TMEM132C: variants seen among roughly 807,000 people sequenced by gnomAD.
TMEM132C encodes the protein protein phosphatase 1, regulatory subunit 152.
In TMEM132C, 29 loss-of-function variants were observed where a neutral mutation model predicts 61.4. The observed-to-expected ratio is 0.47, with a 90% CI of 0.35 to 0.64. The LOEUF (loss-of-function observed/expected upper bound fraction) is 0.64. Among genes scored for constraint, TMEM132C ranks in the 30% least tolerant of loss-of-function variants. The pLI is 0.00. For missense variants in TMEM132C, 1,408 were observed against 1,476.9 expected, an observed-to-expected ratio of 0.95 and a Z score of 0.76; for synonymous variants, 656 against 633.1, an observed-to-expected ratio of 1.04 and a Z score of -0.54.
Position 128,303,989 on chromosome 12 carries a change from G to C in TMEM132C, c.85+36502G>C, listed in dbSNP as rs529554436. Among the ~76,000 whole-genome samples, 11 of 152,172 alleles carry C rather than the reference G, an allele frequency of 7.2e-5. No homozygotes were observed. The South Asian group carries it at 2.3e-3, about 32-fold the overall frequency. ...TTGACCAACGAGACCCAACTAACCT[G>C]GTAGTTGGGACAGATGTGTGATCCC... On this transcript the variant is annotated intron_variant, in intron 1 of 8. Coordinates refer to ENST00000435159, the MANE Select transcript of TMEM132C (RefSeq NM_001136103.3).
intron 4 of TMEM132C, among the ~76,000 whole-genome samples, chr12:128,625,005 G>T (rs1030917923): frequency 6.6e-6 from 1 of 152,160 alleles, no homozygotes; most frequent in Admixed American, 6.5e-5. Context: ...AAGGGAGGGG[G>T]GTGACCCTAT....
chr12:128,412,795 T>C (rs533301892), intron 1 of TMEM132C, among the ~76,000 whole-genome samples: 8 of 152,336 alleles, frequency 5.3e-5, no homozygotes, highest in Non-Finnish European at 1.2e-4. Flanking sequence ...TCTGCTTCTT[T>C]CTTACACAGA....
In TMEM132C at chr12:128,464,569, A is replaced by G. The variant is rs547744847; in HGVS notation, c.974+48949A>G. On this transcript the variant is annotated intron_variant, in intron 2 of 8. Transcript: ENST00000435159. Reference sequence around the variant, plus strand: ...ATGGTTTGAGACCAGCCTGGGAAAAATACTGAGACCCCCATCTCTATAAAA... The same window carrying G: ...ATGGTTTGAGACCAGCCTGGGAAAAGTACTGAGACCCCCATCTCTATAAAA... Among the ~76,000 whole-genome samples, 6 of 152,298 alleles carry G rather than the reference A, an allele frequency of 3.9e-5. No individual in the cohort carries two copies. In the East Asian group the frequency reaches 9.6e-4, roughly 24 times the overall value.
intron 1 of TMEM132C, among the ~76,000 whole-genome samples, chr12:128,319,405 G>A (rs1872254346): frequency 6.6e-6 from 1 of 151,810 alleles, no homozygotes; most frequent in Non-Finnish European, 1.5e-5. Context: ...GTGTCTGTCT[G>A]TTGGGCCAAG....
intron 1 of TMEM132C, among the ~76,000 whole-genome samples, chr12:128,358,348 T>C (rs1424144758): frequency 6.6e-6 from 1 of 152,236 alleles, no homozygotes; most frequent in East Asian, 1.9e-4. Flanking sequence ...CGGATTGGAC[T>C]GCTTTCTAAA....
intron 3 of TMEM132C, among the ~76,000 whole-genome samples, chr12:128,600,731 T>G (rs1292914361): frequency 1.3e-5 from 2 of 152,206 alleles, no homozygotes; most frequent in African/African-American, 4.8e-5. Flanking sequence ...TCTGGCAGTC[T>G]GGGGCCCACC....
chr12:128,638,746 G>A (rs187978397), intron 4 of TMEM132C, among the ~76,000 whole-genome samples: 3 of 152,290 alleles, frequency 2.0e-5, no homozygotes, highest in Admixed American at 2.0e-4. Flanking sequence ...AATGATAATG[G>A]CATTGATGAT....
At chr12:128,663,589 C>G (rs17885155) in intron 4 of TMEM132C, among the ~76,000 whole-genome samples, 112,983 of 152,194 alleles carry the variant, frequency 0.74, 42,267 homozygotes, top group African/African-American at 0.84. Flanking sequence ...TAACATATTT[C>G]AGTCTATTCA....
chr12:128,592,313 G>A (rs957059411), intron 3 of TMEM132C, among the ~76,000 whole-genome samples: 1 of 152,126 alleles, frequency 6.6e-6, no homozygotes, highest in Non-Finnish European at 1.5e-5. Context: ...TGGCACTCTT[G>A]GACATTTGAG....
chr12:128,596,880 G>A (rs954410174), intron 3 of TMEM132C, among the ~76,000 whole-genome samples: 1 of 149,626 alleles, frequency 6.7e-6, no homozygotes, highest in Non-Finnish European at 1.5e-5. Context: ...ATCTCCATGG[G>A]ACAAGCAACT....
intron 3 of TMEM132C, among the ~76,000 whole-genome samples, chr12:128,572,816 T>G (rs1874941108): frequency 6.6e-6 from 1 of 152,270 alleles, no homozygotes; most frequent in Non-Finnish European, 1.5e-5. Context: ...GCCCACTTCT[T>G]GAAGCCAGTG....
At position 128,500,718 on chromosome 12, in the gene TMEM132C, A is replaced by G. The variant is rs151006453; in HGVS notation, c.975-43239A>G. Among the ~76,000 whole-genome samples, 472 of 152,328 alleles carry G rather than the reference A, an allele frequency of 3.1e-3. 4 individuals are homozygous for G. The highest frequency in any genetic ancestry group is 0.011 in the African/African-American group (448 of 41,572). ...TGGGAAGAAACTGAAACATTCATAC[A>G]TTGATGATGAGAATGTAACATGGTA... On this transcript the variant is annotated intron_variant, in intron 2 of 8. Coordinates refer to ENST00000435159, the MANE Select transcript of TMEM132C (RefSeq NM_001136103.3).
At chr12:128,548,045 T>C (rs1874023047) in intron 3 of TMEM132C, among the ~76,000 whole-genome samples, 1 of 152,092 alleles carries the variant, frequency 6.6e-6, no homozygotes, top group African/African-American at 2.4e-5. Flanking sequence ...CATCAGGAGA[T>C]GATGGTAGCT....
At chr12:128,440,138 C>T (rs1869734085) in intron 2 of TMEM132C, among the ~76,000 whole-genome samples, 1 of 152,252 alleles carries the variant, frequency 6.6e-6, no homozygotes, top group African/African-American at 2.4e-5. Context: ...AAGGATATTT[C>T]TCCCATTCTC....
At chr12:128,551,546 C>T (rs952344975) in intron 3 of TMEM132C, among the ~76,000 whole-genome samples, 2 of 152,124 alleles carry the variant, frequency 1.3e-5, no homozygotes, top group East Asian at 1.9e-4. Flanking sequence ...TTACAGGGTG[C>T]GAGGCCAACA....
At position 128,326,988 on chromosome 12, in the gene TMEM132C, T is replaced by C. The variant is rs944292908; in HGVS notation, c.85+59501T>C. ...GTAAAATTTACTTTTAGTGGTGTAATTTTTCCTTTTAGGTTTTCTTTTATC... is the reference window on the plus strand; with the variant it reads ...GTAAAATTTACTTTTAGTGGTGTAACTTTTCCTTTTAGGTTTTCTTTTATC... On this transcript the variant is annotated intron_variant, in intron 1 of 8. Coordinates refer to ENST00000435159, the MANE Select transcript of TMEM132C (RefSeq NM_001136103.3). This position sits in a 1 kb window ranked among gnomAD's most constrained non-coding sequence, Gnocchi z 5.6. 2.0e-5 allele frequency among the ~76,000 whole-genome samples: 3 copies of C among 149,902 alleles called. No homozygotes were observed. The highest frequency in any genetic ancestry group is 7.6e-5 in the African/African-American group (3 of 39,238).
rs1198922315 is a variant in TMEM132C at position 128,695,846 on chromosome 12, G to A, written c.1672G>A (p.Glu558Lys). The A allele has an allele frequency of 1.1e-5, 17 of 1,547,798 alleles. No homozygotes were observed. The highest frequency in any genetic ancestry group is 1.7e-4 in the Middle Eastern group (1 of 5,958). The change falls in exon 7 of 9, where the codon GAG becomes AAG. Residue 558 changes from glutamate to lysine, a missense_variant. Transcript: ENST00000435159. ...TCCCACAAGGCCCACTCGTGAGAGC[G>A]AGGATGAGGACGAGGAGGAGCGGCG... ...VTNKRPTRES[E>K]DEDEEERRGR...
rs1954738142 is a variant in TMEM132C, at chr12:128,693,946, G to T, written c.1567G>T (p.Val523Leu). ...LSAPLCVTVW[V>L]PRLPLQIEVS... ...CGCCCCCCTGTGTGTCACCGTGTGGGTGCCCCGGCTGCCCCTGCAGATCGA... is the reference window on the plus strand; with the variant it reads ...CGCCCCCCTGTGTGTCACCGTGTGGTTGCCCCGGCTGCCCCTGCAGATCGA... Residue 523 changes from valine to leucine, a missense_variant, in exon 6 of 9, where the codon GTG (valine) becomes TTG (leucine). By Grantham distance (32) the Val-to-Leu change is conservative. Transcript: ENST00000435159. 6.4e-7 allele frequency: 1 copy of T among 1,551,742 alleles called. No homozygotes were observed. Among genetic ancestry groups the T allele is most frequent in the Non-Finnish European group, 8.7e-7 (1 of 1,147,028 alleles).
intron 1 of TMEM132C, among the ~76,000 whole-genome samples, chr12:128,340,334 C>T (rs1159191544): frequency 1.3e-5 from 2 of 152,074 alleles, no homozygotes; most frequent in Admixed American, 6.6e-5. Flanking sequence ...AATACTCTAT[C>T]GGTGCTTCTT....
Sources: gnomAD v4.1 joint callset for allele counts (sites outside exome capture counted in the v4.1 genomes callset) on GRCh38, gnomAD v4.1.1 for gene constraint, Gnocchi (gnomAD v3.1) non-coding constraint, MANE v1.5 for transcripts, NCBI Gene and HGNC (gene_info 2026-07-23, HGNC 2026-07-21) for gene names.